The following TENM2 variants were observed in gnomAD, a reference collection of about 807,000 sequenced individuals.
TENM2 encodes teneurin transmembrane protein 2, also known as teneurin-2.
A neutral mutation model predicts 245.2 loss-of-function variants in TENM2; 52 were observed. The observed-to-expected ratio is 0.21, with a 90% CI of 0.17 to 0.27. TENM2 has a LOEUF of 0.27. Ranked by LOEUF, TENM2 falls within the 10% of genes least tolerant of loss-of-function variation. The probability of loss-of-function intolerance (pLI) is 1.00; values close to 1 mark genes in which losing one functional copy is unlikely to be tolerated. For missense variants in TENM2, 3,046 were observed against 3,666.8 expected, an observed-to-expected ratio of 0.83 and a Z score of 4.37; for synonymous variants, 1,363 against 1,438.9, an observed-to-expected ratio of 0.95 and a Z score of 1.19.
At chr5:167,878,744 T>A (rs150629795) in intron 3 of TENM2, among the ~76,000 whole-genome samples, 1 of 152,184 alleles carries the variant, frequency 6.6e-6, no homozygotes, top group Non-Finnish European at 1.5e-5. Context: ...CAGAGCTATG[T>A]CTGAGTGTTT....
intron 2 of TENM2, among the ~76,000 whole-genome samples, chr5:167,630,331 T>C (rs1778785843): frequency 6.6e-6 from 1 of 152,172 alleles, no homozygotes; most frequent in Admixed American, 6.5e-5. Flanking sequence ...AGATGGCTAC[T>C]ACCTGACAGA....
intron 2 of TENM2, among the ~76,000 whole-genome samples, chr5:167,726,343 A>G (rs1013833153): frequency 5.9e-5 from 9 of 152,166 alleles, no homozygotes; most frequent in Admixed American, 1.3e-4. Flanking sequence ...ACTGATTTCT[A>G]TAATAGAAAG....
At chr5:167,769,268 G>T (rs1237195539) in intron 2 of TENM2, among the ~76,000 whole-genome samples, 1 of 152,178 alleles carries the variant, frequency 6.6e-6, no homozygotes, top group Non-Finnish European at 1.5e-5. Context: ...GTTCATGCAT[G>T]TGTGAACCTC....
intron 13 of TENM2, among the ~76,000 whole-genome samples, chr5:168,177,156 G>A (rs1759434491): frequency 6.6e-6 from 1 of 152,222 alleles, no homozygotes; most frequent in Admixed American, 6.5e-5. Flanking sequence ...GAGAAGAACA[G>A]CAAGTCTAAG....
chr5:168,041,344 C>A (rs1377849313), intron 5 of TENM2, among the ~76,000 whole-genome samples: 1 of 152,136 alleles, frequency 6.6e-6, no homozygotes, highest in Non-Finnish European at 1.5e-5. Context: ...TCATCTTCTT[C>A]AAAATCCAGT....
intron 13 of TENM2, among the ~76,000 whole-genome samples, chr5:168,176,484 A>G (rs916807509): frequency 2.0e-5 from 3 of 151,938 alleles, no homozygotes; most frequent in African/African-American, 7.3e-5. Context: ...TCATTTCCTC[A>G]TTTCGTTTAG....
intron 2 of TENM2, among the ~76,000 whole-genome samples, chr5:167,402,885 A>G (rs764949970): frequency 3.9e-5 from 6 of 152,130 alleles, no homozygotes; most frequent in African/African-American, 9.7e-5. Context: ...CCAGTCTTAA[A>G]TGATGCAATG....
intron 2 of TENM2, among the ~76,000 whole-genome samples, chr5:167,865,758 G>A (rs1051101816): frequency 5.3e-5 from 8 of 152,046 alleles, no homozygotes; most frequent in African/African-American, 1.7e-4. Flanking sequence ...TAATATTCTA[G>A]GCCACTTGGT....
At chr5:167,859,083 G>GC (rs1164691286) in intron 2 of TENM2, among the ~76,000 whole-genome samples, 13 of 147,738 alleles carry the variant, frequency 8.8e-5, no homozygotes, top group Non-Finnish European at 2.0e-4. Context: ...CTGCCCGGCC[G>GC]CCCATCGTCT....
At chr5:168,035,250 G>T (rs77735252) in intron 5 of TENM2, among the ~76,000 whole-genome samples, 2,334 of 152,268 alleles carry the variant, frequency 0.015, 58 homozygotes, top group African/African-American at 0.052. Context: ...GCTCACGCCT[G>T]TAATCCCAGT....
chr5:167,774,835 CT>C (rs1763650135), intron 2 of TENM2, among the ~76,000 whole-genome samples: 1 of 152,210 alleles, frequency 6.6e-6, no homozygotes, highest in African/African-American at 2.4e-5. Flanking sequence ...TGAAATAATT[CT>C]CAAAACATAT....
chr5:167,721,432 C>T (rs1315768197), intron 2 of TENM2: 1 of 152,220 alleles, frequency 6.6e-6, no homozygotes, highest in Non-Finnish European at 1.5e-5. Context: ...TGGATTTCCA[C>T]TGGGCTAAAA....
At chr5:168,062,377 C>A in intron 7 of TENM2, 112 bp downstream of exon 9, 1 of 878,472 alleles carries the variant, frequency 1.1e-6, no homozygotes, top group Non-Finnish European at 1.7e-6. Context: ...AAAAGATGGA[C>A]AATAAAAATG....
intron 2 of TENM2, among the ~76,000 whole-genome samples, chr5:167,416,345 T>C (rs1189592588): frequency 1.3e-5 from 2 of 152,208 alleles, no homozygotes; most frequent in African/African-American, 4.8e-5. Flanking sequence ...TCCCTTGTTA[T>C]GGAACACTGT....
chr5:168,139,806 G>T (rs977425980), intron 12 of TENM2, among the ~76,000 whole-genome samples: 4 of 152,232 alleles, frequency 2.6e-5, no homozygotes, highest in Non-Finnish European at 4.4e-5. Flanking sequence ...ACATGACCCA[G>T]CTCCAGCTGA....
chr5:168,197,987 T>A lies in TENM2; in HGVS notation c.2901-866T>A, dbSNP rs560230421. Among the ~76,000 whole-genome samples the A allele has an allele frequency of 1.5e-3, 230 of 152,288 alleles. 1 individual carries two copies. Among genetic ancestry groups the A allele is most frequent in the African/African-American group, 5.1e-3 (213 of 41,568 alleles). Reference sequence around the variant, plus strand: ...GTATCGTTATAATTACACTATTTATTGAACATTCTATTAGCCTAGGACTGT... The same window carrying A: ...GTATCGTTATAATTACACTATTTATAGAACATTCTATTAGCCTAGGACTGT... On this transcript the variant is annotated intron_variant, in intron 15 of 28. Coordinates refer to ENST00000518659, the Ensembl canonical transcript of TENM2.
In TENM2 at chr5:167,912,526, GAATC is replaced by G. The variant is rs371634799; in HGVS notation, c.712+36335_712+36338del. On this transcript the variant is annotated intron_variant, in intron 3 of 28. Transcript: ENST00000518659. Reference sequence around the variant, plus strand: ...GTCACTCAGTCGACACATGTTAACTGAATCAATTATACAACGGGAGTGGGAGGAA... The same window carrying G: ...GTCACTCAGTCGACACATGTTAACTGAATTATACAACGGGAGTGGGAGGAA... Among the ~76,000 whole-genome samples the G allele has an allele frequency of 5.0e-3, 757 of 152,316 alleles. 4 individuals carry two copies. The highest frequency in any genetic ancestry group is 0.018 in the African/African-American group (732 of 41,562).
chr5:167,055,491 G>T, the TENM2 span, among the ~76,000 whole-genome samples: 1 of 152,050 alleles, frequency 6.6e-6, no homozygotes, highest in Admixed American at 6.6e-5. Context: ...TATAGATCAA[G>T]TTGGGAAGAA....
chr5:167,631,536 G>A lies in TENM2; in HGVS notation c.503-244450G>A, dbSNP rs537741926. Among the ~76,000 whole-genome samples the A allele has an allele frequency of 9.9e-5, 15 of 152,184 alleles. No homozygotes were observed. The East Asian group carries it at 1.9e-3, about 20-fold the overall frequency. On this transcript the variant is annotated intron_variant, in intron 2 of 28. Coordinates refer to ENST00000518659, the Ensembl canonical transcript of TENM2. ...AGGCAGGGGCCAGCTTATGTAAGTC[G>A]TGCAGGCCTTAGCATGGAATGTGAG...
Sources: gnomAD v4.1 joint callset for allele counts (sites outside exome capture counted in the v4.1 genomes callset) on GRCh38, gnomAD v4.1.1 for gene constraint, MANE v1.5 for transcripts, NCBI Gene and HGNC (gene_info 2026-07-23, HGNC 2026-07-21) for gene names.